GPR26: variants seen among roughly 807,000 people sequenced by gnomAD.
GPR26 encodes the protein G protein-coupled receptor 26.
A neutral mutation model predicts 23.1 loss-of-function variants in GPR26; 15 were observed. The observed-to-expected ratio is 0.65, with a 90% CI of 0.43 to 1.00. The LOEUF (loss-of-function observed/expected upper bound fraction) is 1.00, where lower values mean the gene tolerates loss of function less well. Among genes scored for constraint, GPR26 ranks in the 50% least tolerant of loss-of-function variants. The pLI, the probability that GPR26 is intolerant of heterozygous loss-of-function variation, is 0.00. For synonymous variants in GPR26, 228 were observed against 222.1 expected (o/e 1.03, Z -0.24); for missense variants, 359 against 470.5 (o/e 0.76, Z 2.19).
chr10:123,687,611 C>T (rs375661382), intron 2 of GPR26, among the ~76,000 whole-genome samples: 2 of 152,282 alleles, frequency 1.3e-5, no homozygotes, highest in African/African-American at 2.4e-5. Context: ...GCCATGTGAC[C>T]TTGGGCAAAG....
At chr10:123,668,904 G>A (rs151137384) in intron 1 of GPR26, among the ~76,000 whole-genome samples, 174 of 152,306 alleles carry the variant, frequency 1.1e-3, no homozygotes, top group African/African-American at 3.9e-3. Flanking sequence ...AGGAGGGGCC[G>A]TGGTTCCTGT....
intron 2 of GPR26, among the ~76,000 whole-genome samples, chr10:123,682,333 AAGAC>A (rs1390495105): frequency 2.0e-5 from 3 of 152,088 alleles, no homozygotes. Flanking sequence ...GCATCTCAGA[AAGAC>A]AGGACATCCA....
In GPR26 at chr10:123,695,542, T is replaced by G. The variant is rs1034203839; in HGVS notation, c.*7382T>G. On this transcript the variant is annotated 3_prime_UTR_variant, in exon 3 of 3. Coordinates refer to ENST00000284674, the MANE Select transcript of GPR26 (RefSeq NM_153442.4). ...TCTTATCCCGGACAATCCTCAGGGA[T>G]TGGGTTTGATGTCGGGGGAGCATTG... 6.6e-6 allele frequency among the ~76,000 whole-genome samples: 1 copy of G among 152,164 alleles called. No individual in the cohort carries two copies. The highest frequency in any genetic ancestry group is 2.4e-5 in the African/African-American group (1 of 41,444).
In GPR26 at chr10:123,671,242, G is replaced by C. The variant is rs77145532; in HGVS notation, c.669-3576G>C. 2.1e-3 allele frequency among the ~76,000 whole-genome samples: 326 copies of C among 152,308 alleles called. 1 individual carries two copies. Among genetic ancestry groups the C allele is most frequent in the Non-Finnish European group, 4.0e-3 (271 of 68,028 alleles). ...TTTAGCTGAGATCACCTCGTTGATT[G>C]ACTTTTCAGATATTCCCAGAATGTG... On this transcript the variant is annotated intron_variant, in intron 1 of 2. Transcript: ENST00000284674.
intron 1 of GPR26, among the ~76,000 whole-genome samples, chr10:123,667,561 C>CTCTGTGTGTGTG (rs1175317398): frequency 4.8e-5 from 6 of 124,998 alleles, no homozygotes; most frequent in African/African-American, 1.6e-4. Context: ...TGTCTCACGA[C>CTCTGTGTGTGTG]TGTGTGTGTG....
intron 2 of GPR26, among the ~76,000 whole-genome samples, chr10:123,686,495 A>C (rs1845431568): frequency 6.6e-6 from 1 of 152,208 alleles, no homozygotes; most frequent in South Asian, 2.1e-4. Context: ...TGGGATGCTA[A>C]CTAGAGGGTC....
In GPR26 at chr10:123,666,506, C is replaced by T. The variant is rs150592353; in HGVS notation, c.99C>T (p.Ser33=). ...NALVLLCLLH[S]ADIRRQAPAL... Reference sequence around the variant, plus strand: ...TGGTGCTGCTCTGCCTGCTGCACAGCGCGGACATCCGCCGCCAGGCGCCGG... The same window carrying T: ...TGGTGCTGCTCTGCCTGCTGCACAGTGCGGACATCCGCCGCCAGGCGCCGG... The change falls in exon 1 of 3, where the codon AGC becomes AGT. Residue 33 remains serine (S), a synonymous_variant. Coordinates refer to ENST00000284674, the MANE Select transcript of GPR26 (RefSeq NM_153442.4). The T allele has an allele frequency of 5.7e-4, 890 of 1,574,006 alleles. 6 individuals carry two copies. The African/African-American group carries it at 8.5e-3, about 15-fold the overall frequency.
intron 1 of GPR26, among the ~76,000 whole-genome samples, chr10:123,671,555 C>G (rs530197591): frequency 6.6e-6 from 1 of 152,318 alleles, no homozygotes; most frequent in East Asian, 1.9e-4. Flanking sequence ...CACACATGCT[C>G]GCACTCTGAC....
rs554870150 is a variant in GPR26 at position 123,691,979 on chromosome 10, A to G, written c.*3819A>G. The G allele has an allele frequency of 9.8e-5, 15 of 152,326 alleles. No homozygotes were observed. Among genetic ancestry groups the G allele is most frequent in the Middle Eastern group, 3.4e-3 (1 of 294 alleles). 9.4% of individuals were successfully genotyped at this position (152,326 alleles called of 1,614,324 possible). A position where few individuals can be genotyped will look rare whatever the true frequency, so the allele number is the denominator to read the frequency against. ...TCTATTAATAACTATCTAGGTTTCA[A>G]TTGTCTTGTATCTTTCCCTAATTCT... On this transcript the variant is annotated 3_prime_UTR_variant, in exon 3 of 3. Transcript: ENST00000284674.
Position 123,672,749 on chromosome 10 carries a change from G to A in GPR26, c.669-2069G>A, listed in dbSNP as rs79106280. Reference sequence around the variant, plus strand: ...CCGTCCTGGTTTGCCCGAGGTAGAGGAGGGATTCTCAGATCTGAGCCTTTT... The same window carrying A: ...CCGTCCTGGTTTGCCCGAGGTAGAGAAGGGATTCTCAGATCTGAGCCTTTT... On this transcript the variant is annotated intron_variant, in intron 1 of 2. Coordinates refer to ENST00000284674, the MANE Select transcript of GPR26 (RefSeq NM_153442.4). Among the ~76,000 whole-genome samples the A allele has an allele frequency of 4.5e-4, 69 of 152,294 alleles. No homozygotes were observed. In the East Asian group the frequency reaches 0.013, roughly 28 times the overall value.
chr10:123,673,921 C>CTCTTCCTCTTCT (rs112787370), intron 1 of GPR26, among the ~76,000 whole-genome samples: 1,516 of 150,144 alleles, frequency 0.01, 28 homozygotes, highest in African/African-American at 0.036. Flanking sequence ...CTTCCTCTTC[C>CTCTTCCTCTTCT]TCTTCTTCTT....
At position 123,666,828 on chromosome 10, in the gene GPR26, G is replaced by A. The variant is rs1845190348; in HGVS notation, c.421G>A (p.Ala141Thr). 1 of 1,609,408 alleles carries A rather than the reference G, an allele frequency of 6.2e-7. No homozygotes were observed. The highest frequency in any genetic ancestry group is 8.5e-7 in the Non-Finnish European group (1 of 1,178,344). ...WLHALTFPAA[A>T]LALSWLGFHQ... ...GCACGCGCTCACCTTCCCAGCCGCC[G>A]CGCTCGCCCTGTCCTGGCTCGGCTT... Residue 141 changes from alanine to threonine, a missense_variant, in exon 1 of 3, where the codon GCG becomes ACG. Coordinates refer to ENST00000284674, the MANE Select transcript of GPR26 (RefSeq NM_153442.4).
chr10:123,667,335 G>T (rs1244315168), intron 1 of GPR26, among the ~76,000 whole-genome samples: 1 of 152,206 alleles, frequency 6.6e-6, no homozygotes, highest in Non-Finnish European at 1.5e-5. Context: ...TCAGAACTCT[G>T]TTGGGCTTCT....
intron 2 of GPR26, among the ~76,000 whole-genome samples, chr10:123,675,817 T>TGTGTGTAC (rs1554863840): frequency 6.0e-5 from 2 of 33,436 alleles, no homozygotes; most frequent in Non-Finnish European, 1.6e-4. Context: ...TGTGTGTGTG[T>TGTGTGTAC]ACGTGTGTGT....
In GPR26 at chr10:123,688,375, G is replaced by C; in HGVS notation, c.*215G>C. 1.7e-6 allele frequency: 1 copy of C among 573,022 alleles called. No individual in the cohort carries two copies. The highest frequency in any genetic ancestry group is 2.0e-5 in the South Asian group (1 of 48,984). 35.5% of individuals were successfully genotyped at this position (573,022 alleles called of 1,614,324 possible). ...TATTTGTCACCAAAGGATGACTGTA[G>C]GCCGTGTGCTGGCCTTTCTTTCTAA... On this transcript the variant is annotated 3_prime_UTR_variant, in exon 3 of 3. Transcript: ENST00000284674.
chr10:123,686,312 G>A (rs1845429817), intron 2 of GPR26, among the ~76,000 whole-genome samples: 1 of 152,190 alleles, frequency 6.6e-6, no homozygotes, highest in African/African-American at 2.4e-5. Context: ...TCTAAATTCA[G>A]GTTTTTTTGT....
chr10:123,696,781 A>G lies in GPR26; in HGVS notation c.*8621A>G, dbSNP rs893465878. Among the ~76,000 whole-genome samples, 6 of 147,886 alleles carry G rather than the reference A, an allele frequency of 4.1e-5. No individual in the cohort carries two copies. The highest frequency in any genetic ancestry group is 1.3e-4 in the Admixed American group (2 of 14,844). On this transcript the variant is annotated 3_prime_UTR_variant, in exon 3 of 3. Coordinates refer to ENST00000284674, the MANE Select transcript of GPR26 (RefSeq NM_153442.4). ...AGTCTGTGTGCCCGTGATCATATGCATATGGGTGAATGTTTGTGTGCCCAT... is the reference window on the plus strand; with the variant it reads ...AGTCTGTGTGCCCGTGATCATATGCGTATGGGTGAATGTTTGTGTGCCCAT...
Position 123,674,912 on chromosome 10 carries a change from G to T in GPR26, c.763G>T (p.Ala255Ser). 6.2e-7 allele frequency: 1 copy of T among 1,610,704 alleles called. No homozygotes were observed. The highest frequency in any genetic ancestry group is 8.5e-7 in the Non-Finnish European group (1 of 1,177,546). ...CATAGGGACCTTCCTTGTGTGCTTC[G>T]CGCCCTATGTGATCACCAGGTGAGC... ...TFIGTFLVCF[A>S]PYVITRLVEL... is the part of the protein sequence containing the mutation. The change falls in exon 2 of 3, where the codon GCG becomes TCG. Residue 255 changes from alanine (A) to serine (S), a missense_variant. Coordinates refer to ENST00000284674, the MANE Select transcript of GPR26 (RefSeq NM_153442.4). The surrounding 1 kb of genome is among the most constrained non-coding windows in gnomAD (Gnocchi z 4.1).
At chr10:123,685,090 G>C (rs1296996410) in intron 2 of GPR26, among the ~76,000 whole-genome samples, 2 of 152,170 alleles carry the variant, frequency 1.3e-5, no homozygotes, top group African/African-American at 4.8e-5. Context: ...TAAATAAACT[G>C]ACAACACGGA....
Sources: gnomAD v4.1 joint callset for allele counts (sites outside exome capture counted in the v4.1 genomes callset) on GRCh38, gnomAD v4.1.1 for gene constraint, Gnocchi (gnomAD v3.1) non-coding constraint, MANE v1.5 for transcripts, NCBI Gene and HGNC (gene_info 2026-07-23, HGNC 2026-07-21) for gene names.